Variants in STAC observed in about 807,000 individuals in gnomAD.
The protein encoded by STAC is SH3 and cysteine rich domain, also known as SH3 and cysteine-rich domain-containing protein.
In STAC, 43 loss-of-function variants were observed where a neutral mutation model predicts 48.8. That is an observed-to-expected ratio of 0.88 (90% CI 0.69 to 1.14). The LOEUF is 1.14. Ranked by LOEUF, STAC falls within the 50% of genes most tolerant of loss-of-function variation. STAC has a pLI of 0.00. For synonymous variants in STAC, 193 were observed against 179.5 expected (o/e 1.07, Z -0.60); for missense variants, 497 against 504.0 (o/e 0.99, Z 0.13).
At chr3:36,427,936 C>T (rs1290010935) in intron 1 of STAC, among the ~76,000 whole-genome samples, 1 of 152,186 alleles carries the variant, frequency 6.6e-6, no homozygotes, top group Non-Finnish European at 1.5e-5. Context: ...CACTGAGGAA[C>T]ATTCTACGAG....
chr3:36,435,531 A>G (rs1052150631), intron 1 of STAC, among the ~76,000 whole-genome samples: 1 of 152,104 alleles, frequency 6.6e-6, no homozygotes, highest in Non-Finnish European at 1.5e-5. Flanking sequence ...CAGAAAAAAA[A>G]AACTCCCTGG....
chr3:36,449,120 T>TA (rs994610636), intron 2 of STAC, among the ~76,000 whole-genome samples: 17 of 151,096 alleles, frequency 1.1e-4, no homozygotes, highest in East Asian at 1.9e-4. Flanking sequence ...CTTCATCTCT[T>TA]AAAAAAAAAT....
chr3:36,442,891 AGCC>A, intron 1 of STAC, among the ~76,000 whole-genome samples: 1 of 152,018 alleles, frequency 6.6e-6, no homozygotes, highest in Non-Finnish European at 1.5e-5. Context: ...ATGGATTTTG[AGCC>A]AGACAATAGA....
intron 8 of STAC, among the ~76,000 whole-genome samples, chr3:36,515,484 A>G (rs74448396): frequency 0.019 from 2,921 of 152,252 alleles, 98 homozygotes; most frequent in African/African-American, 0.067. Context: ...AAAGGGCATC[A>G]GGAAGGTAAG....
At chr3:36,385,139 GA>G (rs932921691) in intron 1 of STAC, among the ~76,000 whole-genome samples, 2 of 152,008 alleles carry the variant, frequency 1.3e-5, no homozygotes, top group Non-Finnish European at 2.9e-5. Context: ...AACAGAATTA[GA>G]ATAGTGTATA....
At position 36,398,347 on chromosome 3, in the gene STAC, G is replaced by GAAAGAAAGAAAGAAAGAAAGAAAA. The variant is rs1559476960; in HGVS notation, c.111+17594_111+17617dup. ...AGAAAGAAAGAAAGAAAGAAAGAAA[G>GAAAGAAAGAAAGAAAGAAAGAAAA]AAAGAAAGAAAGAAAGAAAGAAAAG... On this transcript the variant is annotated intron_variant, in intron 1 of 10. Coordinates refer to ENST00000273183, the MANE Select transcript of STAC (RefSeq NM_003149.3). Among the ~76,000 whole-genome samples, 132 of 131,018 alleles carry GAAAGAAAGAAAGAAAGAAAGAAAA rather than the reference G, an allele frequency of 1.0e-3. 2 individuals are homozygous for GAAAGAAAGAAAGAAAGAAAGAAAA. Among genetic ancestry groups the GAAAGAAAGAAAGAAAGAAAGAAAA allele is most frequent in the Non-Finnish European group, 1.6e-3 (97 of 59,470 alleles). 86.0% of individuals were successfully genotyped at this position (131,018 alleles called of 152,430 possible).
At chr3:36,439,401 T>C (rs1423105080) in intron 1 of STAC, among the ~76,000 whole-genome samples, 4 of 152,212 alleles carry the variant, frequency 2.6e-5, no homozygotes, top group African/African-American at 7.2e-5. Context: ...CATTATCCTC[T>C]GTGTCCTTCA....
chr3:36,408,748 AAT>A, intron 1 of STAC, among the ~76,000 whole-genome samples: 1 of 152,194 alleles, frequency 6.6e-6, no homozygotes, highest in African/African-American at 2.4e-5. Flanking sequence ...AAAGTAAAAG[AAT>A]GGAGAGAACC....
At chr3:36,493,029 G>A in intron 5 of STAC, 122 bp from the exon 6 acceptor site, 1 of 840,344 alleles carries the variant, frequency 1.2e-6, no homozygotes, top group Non-Finnish European at 1.9e-6. Flanking sequence ...AGCCAAGACA[G>A]CAATCACTGG....
chr3:36,519,931 A>G (rs936613415), intron 8 of STAC, among the ~76,000 whole-genome samples: 5 of 152,248 alleles, frequency 3.3e-5, no homozygotes, highest in Admixed American at 2.6e-4. Flanking sequence ...TCCACCAGGC[A>G]AAGTTCACTT....
intron 8 of STAC, among the ~76,000 whole-genome samples, chr3:36,512,738 T>C (rs753433954): frequency 6.6e-6 from 1 of 152,190 alleles, no homozygotes; most frequent in Non-Finnish European, 1.5e-5. Context: ...GAGTGAAATG[T>C]CTGCATTGCA....
intron 1 of STAC, among the ~76,000 whole-genome samples, chr3:36,400,820 C>T (rs984705262): frequency 6.6e-6 from 1 of 152,118 alleles, no homozygotes; most frequent in African/African-American, 2.4e-5. Flanking sequence ...TTGCTTTGAC[C>T]ATAATTACGT....
chr3:36,436,582 A>C (rs1033368677), intron 1 of STAC, among the ~76,000 whole-genome samples: 1 of 152,150 alleles, frequency 6.6e-6, no homozygotes, highest in Non-Finnish European at 1.5e-5. Flanking sequence ...GCATAGCTCA[A>C]ACACTCACTG....
At chr3:36,452,671 C>T (rs9838053) in intron 2 of STAC, among the ~76,000 whole-genome samples, 18,006 of 152,186 alleles carry the variant, frequency 0.12, 1,302 homozygotes, top group East Asian at 0.33. Flanking sequence ...GCAGATAACT[C>T]AAATAATCAT....
At chr3:36,449,732 G>A (rs184356914) in intron 2 of STAC, among the ~76,000 whole-genome samples, 105 of 152,240 alleles carry the variant, frequency 6.9e-4, no homozygotes, top group African/African-American at 2.4e-3. Context: ...AGACTTCAAG[G>A]AGGACGTATC....
chr3:36,451,572 A>T lies in STAC; in HGVS notation c.388+7932A>T, dbSNP rs951075940. 2.0e-5 allele frequency among the ~76,000 whole-genome samples: 3 copies of T among 152,128 alleles called. No homozygotes were observed. The East Asian group carries it at 5.8e-4, about 29-fold the overall frequency. On this transcript the variant is annotated intron_variant, in intron 2 of 10. Transcript: ENST00000273183. ...CAGTTTCAATATTCACCACCATTCT[A>T]TTCTATTACTATATAACTTCCCAAT...
chr3:36,467,895 C>T (rs1454852824), intron 2 of STAC, among the ~76,000 whole-genome samples: 1 of 151,692 alleles, frequency 6.6e-6, no homozygotes, highest in Non-Finnish European at 1.5e-5. Context: ...TGTTTGGGTT[C>T]AGATTTTTCT....
chr3:36,397,589 T>C (rs1029812675), intron 1 of STAC, among the ~76,000 whole-genome samples: 4 of 152,214 alleles, frequency 2.6e-5, no homozygotes, highest in Non-Finnish European at 5.9e-5. Flanking sequence ...GCATACAGTT[T>C]ATGCTTCTTC....
chr3:36,415,537 C>G (rs1304001392), intron 1 of STAC, among the ~76,000 whole-genome samples: 2 of 152,190 alleles, frequency 1.3e-5, no homozygotes, highest in Non-Finnish European at 2.9e-5. Flanking sequence ...TTTCCAGGTG[C>G]CATCTGTCAC....
Sources: gnomAD v4.1 joint callset for allele counts (sites outside exome capture counted in the v4.1 genomes callset) on GRCh38, gnomAD v4.1.1 for gene constraint, MANE v1.5 for transcripts, NCBI Gene and HGNC (gene_info 2026-07-23, HGNC 2026-07-21) for gene names.